Variants in HADHB observed in about 807,000 individuals in gnomAD.
HADHB encodes trifunctional enzyme subunit beta, mitochondrial.
A neutral mutation model predicts 61.9 loss-of-function variants in HADHB; 50 were observed. The ratio of observed to expected loss-of-function variants is 0.81; its 90% CI spans 0.64 to 1.02. The LOEUF (loss-of-function observed/expected upper bound fraction) is 1.02, where lower values mean the gene tolerates loss of function less well. Ranked by LOEUF, HADHB falls within the 50% of genes least tolerant of loss-of-function variation. HADHB has a pLI of 0.00. For synonymous variants in HADHB, 191 were observed against 201.6 expected (o/e 0.95, Z 0.45); for missense variants, 504 against 586.5 (o/e 0.86, Z 1.45).
intron 10 of HADHB, 119 bp downstream of exon 10, chr2:26,280,234 C>A: frequency 4.8e-6 from 4 of 840,308 alleles, no homozygotes; most frequent in South Asian, 1.5e-5. Flanking sequence ...TATAGTTATT[C>A]ATTTTAATGT....
At chr2:26,258,510 G>A (rs1188032635) in intron 3 of HADHB, among the ~76,000 whole-genome samples, 2 of 152,194 alleles carry the variant, frequency 1.3e-5, no homozygotes, top group African/African-American at 2.4e-5. Flanking sequence ...TGGGTGCCTC[G>A]CTGGATCAGA....
In HADHB at chr2:26,284,152, C is replaced by T; in HGVS notation, c.1097C>T (p.Ala366Val). The T allele has an allele frequency of 6.2e-7, 1 of 1,600,576 alleles. No individual in the cohort carries two copies. Among genetic ancestry groups the T allele is most frequent in the Non-Finnish European group, 8.6e-7 (1 of 1,167,912 alleles). Reference sequence around the variant, plus strand: ...GCTACTCCAAAAGTTCTAGAAAAGGCAGGATTGACCATGAATGATATTGAT... The same window carrying T: ...GCTACTCCAAAAGTTCTAGAAAAGGTAGGATTGACCATGAATGATATTGAT... ...TYATPKVLEK[A>V]GLTMNDIDAF... Residue 366 changes from alanine (A) to valine (V), a missense_variant, in exon 13 of 16, where the codon GCA becomes GTA. Transcript: ENST00000317799.
intron 5 of HADHB, among the ~76,000 whole-genome samples, chr2:26,271,941 G>C (rs1248069776): frequency 1.3e-5 from 2 of 151,830 alleles, no homozygotes; most frequent in East Asian, 1.9e-4. Flanking sequence ...ATTTTTTTCT[G>C]TATGGAGTCT....
intron 1 of HADHB, among the ~76,000 whole-genome samples, chr2:26,247,373 TA>T (rs1671209360): frequency 6.6e-6 from 1 of 152,244 alleles, no homozygotes; most frequent in Admixed American, 6.5e-5. Context: ...TTGAAATCTC[TA>T]TTTTTTATTA....
intron 1 of HADHB, among the ~76,000 whole-genome samples, chr2:26,246,347 C>CTTTTT: frequency 6.9e-6 from 1 of 144,148 alleles, no homozygotes; most frequent in Non-Finnish European, 1.5e-5. Context: ...TTGTTTACAA[C>CTTTTT]TTTTTTTTTT....
rs1487328044 is a variant in HADHB at position 26,285,521 on chromosome 2, A to C, written c.1339A>C (p.Lys447Gln). 1 of 1,613,950 alleles carries C rather than the reference A, an allele frequency of 6.2e-7. No homozygotes were observed. Among genetic ancestry groups the C allele is most frequent in the African/African-American group, 1.3e-5 (1 of 74,870 alleles). ...CATGGCTGCTGCCAACAGATTACGG[A>C]AAGAAGGAGGCCAGTATGGCTTAGT... ...LVMAAANRLR[K>Q]EGGQYGLVAA... Residue 447 changes from lysine to glutamine, a missense_variant, in exon 15 of 16, where the codon AAA becomes CAA. Lys to Gln is a moderately conservative substitution (Grantham distance 53). Transcript: ENST00000317799.
Position 26,284,495 on chromosome 2 carries a change from C to T in HADHB, c.1149+291C>T, listed in dbSNP as rs190846304. Among the ~76,000 whole-genome samples the T allele has an allele frequency of 2.7e-5, 4 of 149,362 alleles. No individual in the cohort carries two copies. In the East Asian group the frequency reaches 7.8e-4, roughly 29 times the overall value. On this transcript the variant is annotated intron_variant, in intron 13 of 15. Transcript: ENST00000317799. Reference sequence around the variant, plus strand: ...TTTTTTTTTTGGAGACAGAGTCTTGCTCTGTTGCCCCAGCTGGAGTGTAGT... The same window carrying T: ...TTTTTTTTTTGGAGACAGAGTCTTGTTCTGTTGCCCCAGCTGGAGTGTAGT...
chr2:26,258,186 C>G (rs1413150244), intron 3 of HADHB, among the ~76,000 whole-genome samples: 1 of 152,158 alleles, frequency 6.6e-6, no homozygotes, highest in Non-Finnish European at 1.5e-5. Flanking sequence ...CTTTTATGTA[C>G]TGTTGCTGTT....
chr2:26,278,645 T>C lies in HADHB; in HGVS notation c.474T>C (p.Asp158=), dbSNP rs966108514. 10 of 1,614,076 alleles carry C rather than the reference T, an allele frequency of 6.2e-6. No homozygotes were observed. In the African/African-American group the frequency reaches 9.3e-5, roughly 15 times the overall value. Residue 158 remains aspartate (D), a synonymous_variant, in exon 8 of 16, where the codon GAT becomes GAC. Transcript: ENST00000317799. ...GVGLIASGQC[D]VIVAGGVELM... ...GCTTGATTGCTTCTGGCCAGTGTGATGTGATCGTGGCAGGTGGTGTTGAGT... is the reference window on the plus strand; with the variant it reads ...GCTTGATTGCTTCTGGCCAGTGTGACGTGATCGTGGCAGGTGGTGTTGAGT...
chr2:26,261,897 A>G (rs1000719674), intron 3 of HADHB, among the ~76,000 whole-genome samples: 3 of 151,264 alleles, frequency 2.0e-5, no homozygotes, highest in Admixed American at 1.3e-4. Context: ...CTTTCTTTCT[A>G]TATCTGATTG....
chr2:26,257,040 T>A (rs967276462), intron 3 of HADHB, among the ~76,000 whole-genome samples: 1 of 152,222 alleles, frequency 6.6e-6, no homozygotes, highest in African/African-American at 2.4e-5. Flanking sequence ...TTTATAAGTG[T>A]TGAAAGTAAT....
rs561402376 is a variant in HADHB, at chr2:26,287,721, G to A, written c.1389+2150G>A. Reference sequence around the variant, plus strand: ...GTTGGAGACAGAGGAGAAATCCATCGTGGTGAATCTAGAGCAGGGTTTCTC... The same window carrying A: ...GTTGGAGACAGAGGAGAAATCCATCATGGTGAATCTAGAGCAGGGTTTCTC... On this transcript the variant is annotated intron_variant, in intron 15 of 15. Transcript: ENST00000317799. Among the ~76,000 whole-genome samples, 4 of 152,288 alleles carry A rather than the reference G, an allele frequency of 2.6e-5. No homozygotes were observed. In the South Asian group the frequency reaches 6.2e-4, roughly 24 times the overall value.
intron 15 of HADHB, among the ~76,000 whole-genome samples, chr2:26,286,714 C>T (rs1164855045): frequency 1.3e-5 from 2 of 151,300 alleles, no homozygotes; most frequent in African/African-American, 4.9e-5. Context: ...CCGTATTGGC[C>T]AGGCCGGTCT....
chr2:26,286,813 GTT>G (rs1201781156), intron 15 of HADHB, among the ~76,000 whole-genome samples: 54 of 103,480 alleles, frequency 5.2e-4, no homozygotes, highest in East Asian at 9.2e-4. Context: ...GCCTGTTTTT[GTT>G]TTTTTTTTTT....
chr2:26,267,843 T>G (rs1672160640), intron 4 of HADHB, among the ~76,000 whole-genome samples: 1 of 151,290 alleles, frequency 6.6e-6, no homozygotes, highest in South Asian at 2.1e-4. Context: ...GAATTTTGAT[T>G]AATAAATATA....
At chr2:26,261,211 T>TGC in intron 3 of HADHB, 2 of 300,480 alleles carry the variant, frequency 6.7e-6, no homozygotes, top group Non-Finnish European at 1.2e-5. Flanking sequence ...ACACAACAAA[T>TGC]ACCCCCCCCC....
chr2:26,258,903 T>G (rs182686936), intron 3 of HADHB, among the ~76,000 whole-genome samples: 70 of 152,264 alleles, frequency 4.6e-4, no homozygotes, highest in African/African-American at 1.5e-3. Flanking sequence ...GAGTGTGAGC[T>G]GAGTTACAAG....
rs112357592 is a variant in HADHB at position 26,283,052 on chromosome 2, G to A, written c.1061+1G>A. ...ATCCAAAAGATCAACTATTACTTGG[G>A]TAGGTAGCAGTTTGTATCCTTGGAC... On this transcript the variant is annotated splice_donor_variant, in intron 12 of 15. Transcript: ENST00000317799. LOFTEE classifies it high-confidence loss of function. 2 of 1,595,914 alleles carry A rather than the reference G, an allele frequency of 1.3e-6. No homozygotes were observed. The highest frequency in any genetic ancestry group is 1.7e-6 in the Non-Finnish European group (2 of 1,163,412).
chr2:26,284,288 T>G (rs1672925642), intron 13 of HADHB, 84 bp downstream of exon 13: 1 of 824,596 alleles, frequency 1.2e-6, no homozygotes, highest in Admixed American at 1.7e-5. Context: ...AAGGCATGGT[T>G]TATGATGTGA....
Sources: allele counts gnomAD v4.1 joint callset (sites outside exome capture counted in the v4.1 genomes callset), GRCh38; gene constraint gnomAD v4.1.1; transcripts MANE v1.5; gene names NCBI Gene and HGNC (gene_info 2026-07-23, HGNC 2026-07-21).